Variants in CPT1A observed in about 807,000 individuals in gnomAD.
CPT1A encodes carnitine O-palmitoyltransferase 1, liver isoform.
Under a neutral mutation model 100.8 loss-of-function variants are expected in CPT1A, and 64 were observed. The ratio of observed to expected loss-of-function variants is 0.63; its 90% confidence interval spans 0.52 to 0.78. The LOEUF (loss-of-function observed/expected upper bound fraction) is 0.78. CPT1A is among the 30% of genes least tolerant of loss of function. The pLI, the probability that CPT1A is intolerant of heterozygous loss-of-function variation, is 0.00. For synonymous variants in CPT1A, 363 were observed against 396.0 expected (o/e 0.92, Z 0.99); for missense variants, 802 against 1,034.1 (o/e 0.78, Z 3.08).
chr11:68,814,682 A>G (rs1246914525), intron 2 of CPT1A, among the ~76,000 whole-genome samples: 1 of 149,852 alleles, frequency 6.7e-6, no homozygotes, highest in African/African-American at 2.5e-5. Flanking sequence ...TGAAGTTTGG[A>G]AAAAATATTT....
intron 9 of CPT1A, among the ~76,000 whole-genome samples, chr11:68,791,965 G>C (rs1368763854): frequency 6.6e-6 from 1 of 152,142 alleles, no homozygotes; most frequent in Non-Finnish European, 1.5e-5. Context: ...CCACCACAGT[G>C]CACACTACTG....
chr11:68,784,740 G>A (rs1855406207), intron 10 of CPT1A, 75 bp downstream of exon 10: 1 of 1,415,374 alleles, frequency 7.1e-7, no homozygotes, highest in South Asian at 1.2e-5. Context: ...CACAGGCCCT[G>A]GTGGGGATGG....
chr11:68,809,806 CAGA>C, intron 3 of CPT1A, among the ~76,000 whole-genome samples: 1 of 152,226 alleles, frequency 6.6e-6, no homozygotes, highest in African/African-American at 2.4e-5. Flanking sequence ...TACAAAGACC[CAGA>C]TTATTAAGGG....
intron 6 of CPT1A, among the ~76,000 whole-genome samples, chr11:68,797,481 G>A (rs183590238): frequency 2.6e-5 from 4 of 152,150 alleles, no homozygotes; most frequent in African/African-American, 7.2e-5. Context: ...AGCCAGCCTG[G>A]GCAACATAGC....
At chr11:68,827,740 C>T (rs1014909824) in intron 1 of CPT1A, among the ~76,000 whole-genome samples, 2 of 152,156 alleles carry the variant, frequency 1.3e-5, no homozygotes, top group African/African-American at 4.8e-5. Context: ...GCTCATCTTT[C>T]CCTACGTATT....
chr11:68,761,898 A>G (rs7951987), intron 15 of CPT1A, among the ~76,000 whole-genome samples: 1 of 151,712 alleles, frequency 6.6e-6, no homozygotes, highest in African/African-American at 2.4e-5. Context: ...GGCGTGAGTC[A>G]CCGCGCCCGG....
chr11:68,841,073 C>A lies in CPT1A; in HGVS notation c.-14+702G>T, dbSNP rs61887104. On this transcript the variant is annotated intron_variant, in intron 1 of 18. Coordinates refer to ENST00000265641, the MANE Select transcript of CPT1A (RefSeq NM_001876.4). This position sits in a 1 kb window ranked among gnomAD's most constrained non-coding sequence, Gnocchi z 6.3. ...GAGTCCCTGCGCCAAGGGCGTGTCC[C>A]GACGGCTGCACCGCGAGGGCGGGCA... Among the ~76,000 whole-genome samples, 1 of 152,366 alleles carries A rather than the reference C, an allele frequency of 6.6e-6. No homozygotes were observed. Among genetic ancestry groups the A allele is most frequent in the African/African-American group, 2.4e-5 (1 of 41,600 alleles).
intron 14 of CPT1A, 56 bp from the exon 15 acceptor site, chr11:68,762,817 G>GT: frequency 1.9e-6 from 3 of 1,606,896 alleles, no homozygotes; most frequent in South Asian, 2.2e-5. Context: ...TGTCTAAAAC[G>GT]TAAGGAAGGA....
At position 68,841,299 on chromosome 11, in the gene CPT1A, G is replaced by A. The variant is rs1370166299; in HGVS notation, c.-14+476C>T. ...GAGCCGGAGGCCCTACTGGCCCCGG[G>A]CGAAGGCATCCTGGAAAGCATCCAG... On this transcript the variant is annotated intron_variant, in intron 1 of 18. Coordinates refer to ENST00000265641, the MANE Select transcript of CPT1A (RefSeq NM_001876.4). This position sits in a 1 kb window ranked among gnomAD's most constrained non-coding sequence, Gnocchi z 6.3. 3.3e-5 allele frequency among the ~76,000 whole-genome samples: 5 copies of A among 152,116 alleles called. No individual in the cohort carries two copies.
intron 1 of CPT1A, among the ~76,000 whole-genome samples, chr11:68,823,300 T>C (rs548926205): frequency 7.1e-4 from 108 of 152,252 alleles, no homozygotes; most frequent in African/African-American, 2.5e-3. Flanking sequence ...GTGAATTTTA[T>C]GGTATATGAA....
chr11:68,831,982 C>T (rs1336007367), intron 1 of CPT1A, among the ~76,000 whole-genome samples: 1 of 152,056 alleles, frequency 6.6e-6, no homozygotes, highest in Non-Finnish European at 1.5e-5. Context: ...ACAATGTGAC[C>T]CATATATATT....
intron 1 of CPT1A, among the ~76,000 whole-genome samples, chr11:68,822,393 C>G (rs78674707): frequency 4.0e-5 from 6 of 151,814 alleles, no homozygotes; most frequent in Admixed American, 1.3e-4. Context: ...ATTACCCAGG[C>G]ATGGTAGTGC....
Position 68,759,801 on chromosome 11 carries a change from G to C in CPT1A, c.2143-140C>G, listed in dbSNP as rs555934541. 76 of 724,174 alleles carry C rather than the reference G, an allele frequency of 1.0e-4. No individual in the cohort carries two copies. The African/African-American group carries it at 1.2e-3, about 12-fold the overall frequency. 44.9% of individuals were successfully genotyped at this position (724,174 alleles called of 1,614,324 possible). On this transcript the variant is annotated intron_variant, in intron 17 of 18. Coordinates refer to ENST00000265641, the MANE Select transcript of CPT1A (RefSeq NM_001876.4). ...CCAGCATTTTGGGAGGCTGAGGCAG[G>C]CGGGTCACTTGAGCCCAGGGGTTCG...
intron 9 of CPT1A, among the ~76,000 whole-genome samples, chr11:68,789,404 A>C (rs1032915495): frequency 4.1e-5 from 6 of 145,304 alleles, no homozygotes; most frequent in East Asian, 2.0e-4. Context: ...ACCTTTCTTT[A>C]TTTTTTTTTT....
rs1946675734 is a variant in CPT1A at position 68,755,583 on chromosome 11, G to C, written c.*2061C>G. 6.6e-6 allele frequency: 1 copy of C among 151,686 alleles called. No individual in the cohort carries two copies. The allele number at this position is 151,686 out of a possible 1,614,324, so 9.4% of individuals were successfully genotyped here. On this transcript the variant is annotated 3_prime_UTR_variant, in exon 19 of 19. Coordinates refer to ENST00000265641, the MANE Select transcript of CPT1A (RefSeq NM_001876.4). ...CGCCACCACGCCCGGCTCATTTTTT[G>C]AATTTTTAGTAGAGACGGGGTTTCA...
intron 10 of CPT1A, among the ~76,000 whole-genome samples, chr11:68,784,280 G>A (rs1475884799): frequency 6.6e-6 from 1 of 152,202 alleles, no homozygotes; most frequent in Non-Finnish European, 1.5e-5. Context: ...GGCTAATCCT[G>A]GCCAGGCATA....
intron 13 of CPT1A, chr11:68,773,759 C>A: frequency 3.0e-6 from 1 of 335,060 alleles, no homozygotes. Context: ...AGGTCACAGC[C>A]GGTGCCAGGG....
intron 9 of CPT1A, among the ~76,000 whole-genome samples, chr11:68,789,336 G>C (rs997906439): frequency 2.6e-5 from 4 of 152,090 alleles, no homozygotes; most frequent in Non-Finnish European, 5.9e-5. Context: ...TGAGAAAGTG[G>C]GTGGGGCTTT....
chr11:68,762,580 G>T (rs1854657917), intron 15 of CPT1A, 47 bp downstream of exon 15: 2 of 1,609,242 alleles, frequency 1.2e-6, no homozygotes, highest in Non-Finnish European at 1.7e-6. Context: ...AAGCCTTTTA[G>T]GGAAGTGTGA....
Sources: allele counts gnomAD v4.1 joint callset (sites outside exome capture counted in the v4.1 genomes callset), GRCh38; gene constraint gnomAD v4.1.1; non-coding constraint Gnocchi (gnomAD v3.1); transcripts MANE v1.5; gene names NCBI Gene and HGNC (gene_info 2026-07-23, HGNC 2026-07-21).